The following TRIM8 variants were observed in gnomAD, a reference collection of about 807,000 sequenced individuals.
TRIM8 encodes tripartite motif containing 8.
A neutral mutation model predicts 55.7 loss-of-function variants in TRIM8; 9 were observed. The ratio of observed to expected loss-of-function variants is 0.16; its 90% CI spans 0.10 to 0.28. The LOEUF is 0.28. Among genes scored for constraint, TRIM8 ranks in the 10% least tolerant of loss-of-function variants. The probability of loss-of-function intolerance (pLI) is 1.00; values close to 1 mark genes in which losing one functional copy is unlikely to be tolerated. For synonymous variants in TRIM8, 335 were observed against 333.3 expected (o/e 1.01, Z -0.06); for missense variants, 556 against 736.4 (o/e 0.76, Z 2.83).
At chr10:102,655,425 C>T (rs1398273033) in intron 3 of TRIM8, 112 bp downstream of exon 3, 1 of 1,019,186 alleles carries the variant, frequency 9.8e-7, no homozygotes, top group Non-Finnish European at 1.5e-6. Context: ...AGCCAGCATG[C>T]ATGGGTTCAA....
chr10:102,648,844 C>T (rs573192383), intron 1 of TRIM8, among the ~76,000 whole-genome samples: 16 of 152,160 alleles, frequency 1.1e-4, no homozygotes, highest in East Asian at 7.7e-4. Flanking sequence ...TGGCCACCCC[C>T]GAGTCTTCGT....
At chr10:102,646,628 C>T (rs899515018) in intron 1 of TRIM8, among the ~76,000 whole-genome samples, 1 of 152,172 alleles carries the variant, frequency 6.6e-6, no homozygotes, top group African/African-American at 2.4e-5. Flanking sequence ...GGATAGGCCT[C>T]TGGTTTCTTA....
chr10:102,649,787 A>G (rs1442241699), intron 1 of TRIM8, among the ~76,000 whole-genome samples: 1 of 152,182 alleles, frequency 6.6e-6, no homozygotes, highest in Non-Finnish European at 1.5e-5. Context: ...AGTTCACATG[A>G]TAGCCCAAGG....
chr10:102,644,812 G>A lies in TRIM8; in HGVS notation c.195G>A (p.Leu65=), dbSNP rs1479013284. 1 of 1,613,194 alleles carries A rather than the reference G, an allele frequency of 6.2e-7. No individual in the cohort carries two copies. The highest frequency in any genetic ancestry group is 1.3e-5 in the African/African-American group (1 of 75,066). ...AGGCCTACAACCAGAAGCCGGGCCT[G>A]GAGAAGAACCTGAAGCTCACCAACA... ...CNQAYNQKPG[L]EKNLKLTNIV... Residue 65 remains leucine, a synonymous_variant, in exon 1 of 6, where the codon CTG becomes CTA. Coordinates refer to ENST00000643721, the MANE Select transcript of TRIM8 (RefSeq NM_030912.3).
Position 102,657,668 on chromosome 10 carries a change from T to G in TRIM8, c.*314T>G. 3.5e-5 allele frequency: 8 copies of G among 225,444 alleles called. No individual in the cohort carries two copies. The highest frequency in any genetic ancestry group is 9.6e-5 in the East Asian group (1 of 10,364). 14.0% of individuals were successfully genotyped at this position (225,444 alleles called of 1,614,324 possible). ...TGTTTCTCCTTTTTTCCTCTACTCC[T>G]TCCCCTTCACACCCCCGTGGCTGGA... On this transcript the variant is annotated 3_prime_UTR_variant, in exon 6 of 6. Coordinates refer to ENST00000643721, the MANE Select transcript of TRIM8 (RefSeq NM_030912.3).
At chr10:102,655,712 T>C (rs1403531410) in intron 3 of TRIM8, among the ~76,000 whole-genome samples, 1 of 152,220 alleles carries the variant, frequency 6.6e-6, no homozygotes. Context: ...CTGTATTAGA[T>C]TGTTGTGTCT....
rs2064034652 is a variant in TRIM8 at position 102,657,301 on chromosome 10, G to A, written c.1603G>A (p.Asp535Asn). Residue 535 changes from aspartate (D) to asparagine (N), a missense_variant, in exon 6 of 6, where the codon GAT becomes AAT. By Grantham distance (23) the Asp-to-Asn change is conservative. Transcript: ENST00000643721. Reference protein sequence around the residue: ...LDASQQPGHQDFYRVYGQPST... With the variant: ...LDASQQPGHQNFYRVYGQPST... ...CGCCTCCCAGCAGCCCGGCCACCAG[G>A]ATTTCTACAGGGTGTATGGGCAGCC... The A allele has an allele frequency of 6.2e-7, 1 of 1,612,254 alleles. No individual in the cohort carries two copies. The highest frequency in any genetic ancestry group is 1.7e-5 in the Admixed American group (1 of 59,878).
At chr10:102,646,203 C>A (rs916594802) in intron 1 of TRIM8, among the ~76,000 whole-genome samples, 6 of 152,200 alleles carry the variant, frequency 3.9e-5, no homozygotes, top group African/African-American at 1.4e-4. Context: ...CTAGGTCCCT[C>A]CCCAGTCCTC....
chr10:102,648,247 G>T (rs59267288), intron 1 of TRIM8, among the ~76,000 whole-genome samples: 1 of 152,292 alleles, frequency 6.6e-6, no homozygotes, highest in East Asian at 1.9e-4. Flanking sequence ...TGAAGGACTG[G>T]TGGGAGCTGG....
chr10:102,648,064 T>C (rs2063950454), intron 1 of TRIM8, among the ~76,000 whole-genome samples: 1 of 152,176 alleles, frequency 6.6e-6, no homozygotes. Context: ...GGATACTCAC[T>C]GGATGATCCC....
intron 1 of TRIM8, among the ~76,000 whole-genome samples, chr10:102,648,978 A>G (rs2063958227): frequency 6.6e-6 from 1 of 151,434 alleles, no homozygotes. Flanking sequence ...TGCACACACT[A>G]TTATTACTCT....
At chr10:102,646,282 C>A (rs141081393) in intron 1 of TRIM8, among the ~76,000 whole-genome samples, 146 of 151,976 alleles carry the variant, frequency 9.6e-4, no homozygotes, top group Non-Finnish European at 1.9e-3. Context: ...TCTCTGAAGC[C>A]CCACCTTGGG....
At position 102,657,736 on chromosome 10, in the gene TRIM8, T is replaced by G; in HGVS notation, c.*382T>G. ...TGAAAGCTTGGGGGTCCCACCCTTC[T>G]TACCCCACCCGGGAGGAACGCCCAG... is the stretch of plus-strand genomic sequence containing the variant. On this transcript the variant is annotated 3_prime_UTR_variant, in exon 6 of 6. Transcript: ENST00000643721. The G allele has an allele frequency of 5.5e-6, 1 of 180,562 alleles. No individual in the cohort carries two copies. The highest frequency in any genetic ancestry group is 1.5e-4 in the South Asian group (1 of 6,692). 11.2% of individuals were successfully genotyped at this position (180,562 alleles called of 1,614,324 possible). A position where few individuals can be genotyped will look rare whatever the true frequency, so the allele number is the denominator to read the frequency against.
chr10:102,646,547 G>C (rs1410801994), intron 1 of TRIM8, among the ~76,000 whole-genome samples: 5 of 152,202 alleles, frequency 3.3e-5, no homozygotes, highest in Non-Finnish European at 7.4e-5. Flanking sequence ...AGGCTGGGGC[G>C]GGGGCAGCAA....
intron 1 of TRIM8, among the ~76,000 whole-genome samples, chr10:102,650,868 T>C (rs909238255): frequency 6.6e-6 from 1 of 152,136 alleles, no homozygotes; most frequent in Non-Finnish European, 1.5e-5. Context: ...TTTCCAGCAT[T>C]TTCCAGTGTC....
At chr10:102,653,092 C>T (rs1162764783) in intron 1 of TRIM8, among the ~76,000 whole-genome samples, 1 of 152,228 alleles carries the variant, frequency 6.6e-6, no homozygotes, top group Non-Finnish European at 1.5e-5. Context: ...AGCCACAGCA[C>T]CTGACCTTAT....
Position 102,654,671 on chromosome 10 carries a change from C to T in TRIM8, c.589C>T (p.Gln197Ter). The change falls in exon 2 of 6, where the codon CAG becomes TAG. Residue 197 changes from glutamine (Q) to a stop codon, truncating the protein, a stop_gained. Coordinates refer to ENST00000643721, the MANE Select transcript of TRIM8 (RefSeq NM_030912.3). LOFTEE classifies it high-confidence loss of function. ...NEIRKMLMKQQDRLEEREQDI... is the reference protein window; with the variant it reads ...NEIRKMLMKQ ...CCTGCAGAAGATGCTCATGAAGCAG[C>T]AGGACCGGCTGGAGGAGCGAGAGCA... is the stretch of plus-strand genomic sequence containing the variant. 6.2e-7 allele frequency: 1 copy of T among 1,614,072 alleles called. No homozygotes were observed. Among genetic ancestry groups the T allele is most frequent in the Non-Finnish European group, 8.5e-7 (1 of 1,179,922 alleles).
intron 1 of TRIM8, among the ~76,000 whole-genome samples, chr10:102,652,064 G>A (rs187826074): frequency 4.5e-4 from 69 of 152,324 alleles, no homozygotes; most frequent in East Asian, 1.9e-3. Context: ...GTGCCTCTTG[G>A]TGCTTCTGGG....
In TRIM8 at chr10:102,651,815, G is replaced by A. The variant is rs184157728; in HGVS notation, c.571-2838G>A. Among the ~76,000 whole-genome samples, 17 of 152,366 alleles carry A rather than the reference G, an allele frequency of 1.1e-4. No homozygotes were observed. In the East Asian group the frequency reaches 3.3e-3, roughly 29 times the overall value. On this transcript the variant is annotated intron_variant, in intron 1 of 5. Coordinates refer to ENST00000643721, the MANE Select transcript of TRIM8 (RefSeq NM_030912.3). Reference sequence around the variant, plus strand: ...AGTGTCCTGGCCACCTCGCCATCGTGCCAGGCCTCTTGCCATTGTCTGGGG... The same window carrying A: ...AGTGTCCTGGCCACCTCGCCATCGTACCAGGCCTCTTGCCATTGTCTGGGG...
Sources: allele counts gnomAD v4.1 joint callset (sites outside exome capture counted in the v4.1 genomes callset), GRCh38; gene constraint gnomAD v4.1.1; transcripts MANE v1.5; gene names NCBI Gene and HGNC (gene_info 2026-07-23, HGNC 2026-07-21).